Variants in USP12 observed in about 807,000 individuals in gnomAD.
The protein encoded by USP12 is ubiquitin specific peptidase 12, also known as ubiquitin carboxyl-terminal hydrolase 12.
USP12 carries 19 observed loss-of-function variants against 45.5 expected under a neutral mutation model. The ratio of observed to expected loss-of-function variants is 0.42; its 90% confidence interval spans 0.29 to 0.61. USP12 has a LOEUF of 0.61. Among genes scored for constraint, USP12 ranks in the 20% least tolerant of loss-of-function variants. The pLI, the probability that USP12 is intolerant of heterozygous loss-of-function variation, is 0.22. For missense variants in USP12, 242 were observed against 447.7 expected (o/e 0.54, Z 4.15); for synonymous variants, 149 against 148.8 (o/e 1.00, Z -0.01).
chr13:27,105,249 GC>G (rs1875075854), intron 3 of USP12, among the ~76,000 whole-genome samples: 1 of 152,194 alleles, frequency 6.6e-6, no homozygotes, highest in Non-Finnish European at 1.5e-5. Context: ...GTCTTTTCTA[GC>G]TCCTTCCCCG....
At chr13:27,071,423 G>A (rs1873241740) in intron 7 of USP12, among the ~76,000 whole-genome samples, 1 of 151,990 alleles carries the variant, frequency 6.6e-6, no homozygotes, top group South Asian at 2.1e-4. Flanking sequence ...TACTGTCTTT[G>A]TAATAATTTT....
At chr13:27,149,523 G>C (rs568657943) in intron 1 of USP12, among the ~76,000 whole-genome samples, 1 of 152,310 alleles carries the variant, frequency 6.6e-6, no homozygotes, top group Admixed American at 6.5e-5. Context: ...AACGAGTTCA[G>C]CAAGGTTGCG....
chr13:27,099,512 G>A (rs149672389), intron 3 of USP12, among the ~76,000 whole-genome samples: 2 of 152,150 alleles, frequency 1.3e-5, no homozygotes, highest in East Asian at 3.9e-4. Flanking sequence ...TGTCTAGTCT[G>A]TTCCATTTCC....
chr13:27,146,523 G>T (rs1192582841), intron 1 of USP12, among the ~76,000 whole-genome samples: 1 of 152,158 alleles, frequency 6.6e-6, no homozygotes, highest in Non-Finnish European at 1.5e-5. Context: ...CCACTTCTAG[G>T]AAATGTCAGC....
intron 1 of USP12, among the ~76,000 whole-genome samples, chr13:27,124,273 G>A (rs1041226615): frequency 6.6e-6 from 1 of 152,060 alleles, no homozygotes; most frequent in Non-Finnish European, 1.5e-5. Flanking sequence ...AAAATCTCCT[G>A]GCCCACAATA....
At chr13:27,169,301 C>T (rs74042505) in intron 1 of USP12, among the ~76,000 whole-genome samples, 14,098 of 152,128 alleles carry the variant, frequency 0.093, 873 homozygotes, top group African/African-American at 0.17. Flanking sequence ...AAGAGACAGG[C>T]ACACACACTC....
At chr13:27,116,806 C>T (rs556709627) in intron 1 of USP12, among the ~76,000 whole-genome samples, 3 of 152,220 alleles carry the variant, frequency 2.0e-5, no homozygotes, top group South Asian at 4.1e-4. Flanking sequence ...TCCTGTGTTA[C>T]GATTGCCTAG....
Position 27,105,554 on chromosome 13 carries a change from G to A in USP12, c.343+177C>T, listed in dbSNP as rs377103958. The stretch of plus-strand genomic sequence containing the variant: ...TTAACCGTATCTTGTATTAATTACT[G>A]TAAGACTATCTCCTTCACTAAACGA... On this transcript the variant is annotated intron_variant, in intron 3 of 8. Coordinates refer to ENST00000282344, the MANE Select transcript of USP12 (RefSeq NM_182488.4). Among the ~76,000 whole-genome samples the A allele has an allele frequency of 2.0e-5, 3 of 152,262 alleles. No homozygotes were observed. The East Asian group carries it at 5.8e-4, about 29-fold the overall frequency.
At chr13:27,115,290 T>TA (rs1442496758) in intron 2 of USP12, among the ~76,000 whole-genome samples, 3 of 151,946 alleles carry the variant, frequency 2.0e-5, no homozygotes, top group Non-Finnish European at 2.9e-5. Flanking sequence ...CAGAAAAAAA[T>TA]AAGTGAGAGG....
chr13:27,147,753 CAAAG>C (rs1166084248), intron 1 of USP12, among the ~76,000 whole-genome samples: 1 of 150,542 alleles, frequency 6.6e-6, no homozygotes, highest in Admixed American at 6.6e-5. Context: ...TCAAAGCGCT[CAAAG>C]AAAGGAAAAA....
intron 2 of USP12, among the ~76,000 whole-genome samples, chr13:27,111,113 T>C (rs1203449251): frequency 6.6e-6 from 1 of 152,208 alleles, no homozygotes; most frequent in Non-Finnish European, 1.5e-5. Flanking sequence ...TTATAATCAA[T>C]TCTCTGAGGC....
intron 1 of USP12, among the ~76,000 whole-genome samples, chr13:27,146,474 T>A (rs1392443093): frequency 6.6e-6 from 1 of 152,106 alleles, no homozygotes; most frequent in Non-Finnish European, 1.5e-5. Context: ...GAGTGAGCAG[T>A]TATGGAGAGG....
chr13:27,124,148 A>C (rs931520539), intron 1 of USP12, among the ~76,000 whole-genome samples: 15 of 152,024 alleles, frequency 9.9e-5, no homozygotes, highest in Non-Finnish European at 2.2e-4. Flanking sequence ...ACTACCTTTC[A>C]CTCCTTTCAC....
intron 2 of USP12, among the ~76,000 whole-genome samples, chr13:27,111,178 A>G (rs1593190210): frequency 6.6e-6 from 1 of 152,172 alleles, no homozygotes; most frequent in East Asian, 1.9e-4. Flanking sequence ...GAAAAATTAA[A>G]AGGTTGAAAA....
chr13:27,087,251 A>ATGTG (rs55816785), intron 6 of USP12, among the ~76,000 whole-genome samples: 6 of 144,054 alleles, frequency 4.2e-5, no homozygotes, highest in African/African-American at 1.6e-4. Context: ...GTGGGGAGGG[A>ATGTG]TGTGTGTGTG....
intron 2 of USP12, among the ~76,000 whole-genome samples, chr13:27,114,619 G>C (rs896792811): frequency 1.3e-5 from 2 of 152,026 alleles, no homozygotes; most frequent in South Asian, 2.1e-4. Flanking sequence ...GCTGCCATAA[G>C]AGCCATTATC....
At chr13:27,103,607 A>AATAATAATAAT (rs1555234499) in intron 3 of USP12, among the ~76,000 whole-genome samples, 2,082 of 128,480 alleles carry the variant, frequency 0.016, 36 homozygotes, top group African/African-American at 0.034. Flanking sequence ...TCAAAAAAAA[A>AATAATAATAAT]AATAATAATA....
intron 1 of USP12, among the ~76,000 whole-genome samples, chr13:27,151,200 G>A (rs745831854): frequency 5.3e-5 from 8 of 151,862 alleles, no homozygotes; most frequent in East Asian, 1.9e-4. Context: ...GCATGGTAGC[G>A]CGCAATTGTA....
rs1341408443 is a variant in USP12, at chr13:27,117,638, C to T, written c.49-1042G>A. 4.3e-5 allele frequency: 16 copies of T among 368,620 alleles called. 1 individual carries two copies. In the East Asian group the frequency reaches 1.1e-3, roughly 25 times the overall value. 22.8% of individuals were successfully genotyped at this position (368,620 alleles called of 1,614,324 possible). On this transcript the variant is annotated intron_variant, in intron 1 of 8. Coordinates refer to ENST00000282344, the MANE Select transcript of USP12 (RefSeq NM_182488.4). The stretch of plus-strand genomic sequence containing the variant: ...CAACGTGTGTGTGTGTTTAATAGCA[C>T]ACGGAAAGCAGACCGAAGAATGTAT...
Sources: allele counts gnomAD v4.1 joint callset (sites outside exome capture counted in the v4.1 genomes callset), GRCh38; gene constraint gnomAD v4.1.1; transcripts MANE v1.5; gene names NCBI Gene and HGNC (gene_info 2026-07-23, HGNC 2026-07-21).